Variants in MARCHF1 observed in about 807,000 individuals in gnomAD.
The protein encoded by MARCHF1 is E3 ubiquitin-protein ligase MARCHF1.
Under a neutral mutation model 54.2 loss-of-function variants are expected in MARCHF1, and 40 were observed. That is an observed-to-expected ratio of 0.74 (90% confidence interval 0.57 to 0.96). MARCHF1 has a LOEUF of 0.96. MARCHF1 is among the 40% of genes least tolerant of loss of function. MARCHF1 has a pLI of 0.00. For missense variants in MARCHF1, 586 were observed against 656.5 expected, an observed-to-expected ratio of 0.89 and a Z score of 1.17; for synonymous variants, 236 against 236.3, an observed-to-expected ratio of 1.00 and a Z score of 0.01.
rs183227805 is a variant in MARCHF1 at position 164,261,286 on chromosome 4, A to T, written c.-323+122584T>A. 6.9e-3 allele frequency among the ~76,000 whole-genome samples: 1,057 copies of T among 152,212 alleles called. 13 individuals are homozygous for T. The highest frequency in any genetic ancestry group is 0.024 in the African/African-American group (1,014 of 41,510). ...ACTTTATTACAGGAGCCCTAGGAAA[A>T]TAATTCATTATATAATCTGCTAAGG... On this transcript the variant is annotated intron_variant, in intron 1 of 9. Transcript: ENST00000514618.
At chr4:164,315,804 A>G (rs1396871716) in intron 1 of MARCHF1, among the ~76,000 whole-genome samples, 1 of 152,168 alleles carries the variant, frequency 6.6e-6, no homozygotes, top group Non-Finnish European at 1.5e-5. Flanking sequence ...TATTTACACT[A>G]CGTTAATCAT....
rs113920569 is a variant in MARCHF1, at chr4:164,068,591, C to T, written c.-248+42997G>A. 8.8e-3 allele frequency among the ~76,000 whole-genome samples: 1,334 copies of T among 152,280 alleles called. 21 individuals are homozygous for T. The highest frequency in any genetic ancestry group is 0.051 in the East Asian group (265 of 5,152). ...TCACCAGGCCTTAGGTGCCTCCCTG[C>T]GGGGCAGCACTCGGGACCTGCAACC... On this transcript the variant is annotated intron_variant, in intron 2 of 9. Coordinates refer to ENST00000514618, the MANE Select transcript of MARCHF1 (RefSeq NM_001394959.1).
chr4:163,960,710 G>C (rs1560837445), intron 3 of MARCHF1, among the ~76,000 whole-genome samples: 1 of 151,428 alleles, frequency 6.6e-6, no homozygotes, highest in Admixed American at 6.6e-5. Flanking sequence ...TGAGTACCAG[G>C]CTTAATACCT....
intron 5 of MARCHF1, among the ~76,000 whole-genome samples, chr4:163,675,410 A>G (rs182313541): frequency 5.0e-4 from 76 of 152,360 alleles, no homozygotes; most frequent in East Asian, 4.8e-3. Flanking sequence ...GGCGCTACAA[A>G]TATCAGGGGA....
chr4:164,141,809 G>A (rs1411485841), intron 1 of MARCHF1, among the ~76,000 whole-genome samples: 1 of 152,210 alleles, frequency 6.6e-6, no homozygotes, highest in Non-Finnish European at 1.5e-5. Flanking sequence ...CATATGTTGG[G>A]GGGAGGAGCC....
At chr4:163,742,411 C>A (rs1379922002) in intron 4 of MARCHF1, among the ~76,000 whole-genome samples, 2 of 141,848 alleles carry the variant, frequency 1.4e-5, no homozygotes, top group Non-Finnish European at 1.5e-5. Flanking sequence ...TCCTTCCTTC[C>A]TTCCTTCCTT....
chr4:163,934,547 A>G (rs943202159), intron 3 of MARCHF1, among the ~76,000 whole-genome samples: 3 of 144,424 alleles, frequency 2.1e-5, no homozygotes, highest in South Asian at 2.4e-4. Flanking sequence ...TGACAGAGTA[A>G]GATTCCATCT....
rs570245047 is a variant in MARCHF1, at chr4:163,721,572, T to C, written c.112-20709A>G. 2.8e-3 allele frequency among the ~76,000 whole-genome samples: 426 copies of C among 152,280 alleles called. 3 individuals carry two copies. The highest frequency in any genetic ancestry group is 9.9e-3 in the African/African-American group (412 of 41,502). On this transcript the variant is annotated intron_variant, in intron 4 of 9. Coordinates refer to ENST00000514618, the MANE Select transcript of MARCHF1 (RefSeq NM_001394959.1). Reference sequence around the variant, plus strand: ...ATGAGTTAGGGAGGATTCCCTCTTTTTCTATTGATTGGAATAGTTTCAGAA... The same window carrying C: ...ATGAGTTAGGGAGGATTCCCTCTTTCTCTATTGATTGGAATAGTTTCAGAA...
At chr4:163,713,999 T>G (rs1469697505) in intron 4 of MARCHF1, among the ~76,000 whole-genome samples, 2 of 152,182 alleles carry the variant, frequency 1.3e-5, no homozygotes, top group African/African-American at 4.8e-5. Context: ...AAATTTGCAG[T>G]AAGATTGTAC....
At chr4:163,721,848 T>C (rs1579226978) in intron 4 of MARCHF1, among the ~76,000 whole-genome samples, 1 of 152,248 alleles carries the variant, frequency 6.6e-6, no homozygotes, top group East Asian at 1.9e-4. Flanking sequence ...TGACGGGAAT[T>C]TGTATTTCTG....
chr4:163,539,183 G>A (rs1282541103), intron 9 of MARCHF1, among the ~76,000 whole-genome samples: 1 of 151,942 alleles, frequency 6.6e-6, no homozygotes, highest in East Asian at 1.9e-4. Flanking sequence ...ACCATGCCCA[G>A]CTAAGTTTTG....
At chr4:164,247,704 G>T (rs1284112386) in intron 1 of MARCHF1, among the ~76,000 whole-genome samples, 2 of 151,164 alleles carry the variant, frequency 1.3e-5, no homozygotes, top group Non-Finnish European at 2.9e-5. Context: ...ATGAAATAGG[G>T]CAGCAGAGAT....
intron 2 of MARCHF1, among the ~76,000 whole-genome samples, chr4:164,109,135 C>G (rs936107532): frequency 7.9e-5 from 12 of 152,042 alleles, no homozygotes; most frequent in Admixed American, 2.0e-4. Flanking sequence ...TCCAGAAAAG[C>G]AAAGCCACTG....
intron 2 of MARCHF1, among the ~76,000 whole-genome samples, chr4:164,048,077 A>G (rs1223660104): frequency 2.0e-5 from 3 of 152,200 alleles, no homozygotes; most frequent in African/African-American, 7.2e-5. Flanking sequence ...CTCAATACAT[A>G]CATATAACAT....
chr4:163,839,342 G>C (rs1749274504), intron 4 of MARCHF1, among the ~76,000 whole-genome samples: 1 of 151,950 alleles, frequency 6.6e-6, no homozygotes, highest in East Asian at 1.9e-4. Flanking sequence ...GTTACCATAA[G>C]ACCAATCAAT....
At chr4:164,163,340 T>C (rs936860251) in intron 1 of MARCHF1, among the ~76,000 whole-genome samples, 1 of 152,002 alleles carries the variant, frequency 6.6e-6, no homozygotes, top group African/African-American at 2.4e-5. Flanking sequence ...TAATTGGAGA[T>C]AAAGTGATTG....
intron 1 of MARCHF1, among the ~76,000 whole-genome samples, chr4:164,363,158 A>G (rs956967699): frequency 2.6e-5 from 4 of 152,088 alleles, no homozygotes; most frequent in Non-Finnish European, 5.9e-5. Flanking sequence ...ATAAGAAAAG[A>G]TATATCCAGA....
At chr4:163,605,862 C>A (rs1010953701) in intron 7 of MARCHF1, among the ~76,000 whole-genome samples, 8 of 151,934 alleles carry the variant, frequency 5.3e-5, no homozygotes, top group African/African-American at 1.9e-4. Flanking sequence ...ACAATTAGAA[C>A]ACATGGACAC....
chr4:164,066,761 C>T (rs1560888161), intron 2 of MARCHF1, among the ~76,000 whole-genome samples: 1 of 152,044 alleles, frequency 6.6e-6, no homozygotes, highest in Non-Finnish European at 1.5e-5. Context: ...AGCAAAGTAA[C>T]ACAGGAACAG....
Sources: allele counts gnomAD v4.1 joint callset (sites outside exome capture counted in the v4.1 genomes callset), GRCh38; gene constraint gnomAD v4.1.1; transcripts MANE v1.5; gene names NCBI Gene and HGNC (gene_info 2026-07-23, HGNC 2026-07-21).